COL10A1: variants seen among roughly 807,000 people sequenced by gnomAD.
COL10A1 encodes collagen alpha-1(X) chain.
In COL10A1, 10 loss-of-function variants were observed where a neutral mutation model predicts 18.2. The observed-to-expected ratio is 0.55, with a 90% confidence interval of 0.34 to 0.93. The LOEUF (loss-of-function observed/expected upper bound fraction) is 0.93. Ranked by LOEUF, COL10A1 falls within the 40% of genes least tolerant of loss-of-function variation. The probability of loss-of-function intolerance (pLI) is 0.02; values close to 1 mark genes in which losing one functional copy is unlikely to be tolerated. For missense variants in COL10A1, 897 were observed against 853.5 expected, an observed-to-expected ratio of 1.05 and a Z score of -0.64; for synonymous variants, 330 against 316.6, an observed-to-expected ratio of 1.04 and a Z score of -0.45.
At chr6:116,177,762 G>C in the COL10A1 span, among the ~76,000 whole-genome samples, 7 of 151,998 alleles carry the variant, frequency 4.6e-5, no homozygotes, top group African/African-American at 1.7e-4. Flanking sequence ...AATGTTTTCT[G>C]ACATTCTAAA....
rs192864147 is a variant in COL10A1, at chr6:116,122,903, A to C, written c.155-942T>G. 7.0e-3 allele frequency among the ~76,000 whole-genome samples: 1,069 copies of C among 152,330 alleles called. 7 individuals carry two copies. The highest frequency in any genetic ancestry group is 0.012 in the Non-Finnish European group (845 of 68,020). On this transcript the variant is annotated intron_variant, in intron 2 of 2. Transcript: ENST00000651968. The stretch of plus-strand genomic sequence containing the variant: ...TAGAGCTTTCCCCATGGATTTTCAG[A>C]AAATGACATCAGGAAAAAGACTGTG...
intron 1 of COL10A1, among the ~76,000 whole-genome samples, chr6:116,147,861 A>G (rs1779937481): frequency 6.6e-6 from 1 of 152,088 alleles, no homozygotes; most frequent in Admixed American, 6.6e-5. Context: ...AACTAGCTAC[A>G]TTAGCAGTCA....
chr6:116,168,387 A>G, the COL10A1 span, among the ~76,000 whole-genome samples: 28,873 of 151,796 alleles, frequency 0.19, 3,367 homozygotes, highest in Middle Eastern at 0.33. Flanking sequence ...AAACCTATCC[A>G]TTGAGCTTTT....
chr6:116,149,217 T>C (rs896286828), intron 1 of COL10A1, among the ~76,000 whole-genome samples: 3 of 152,228 alleles, frequency 2.0e-5, no homozygotes, highest in African/African-American at 7.2e-5. Context: ...TATTAGCTGT[T>C]TGACACAATT....
chr6:116,210,695 AAAT>A, the COL10A1 span, among the ~76,000 whole-genome samples: 80 of 152,166 alleles, frequency 5.3e-4, no homozygotes, highest in Middle Eastern at 3.4e-3. Flanking sequence ...TAATTATTAT[AAAT>A]AATCTATTTT....
At chr6:116,193,755 A>T in the COL10A1 span, among the ~76,000 whole-genome samples, 1 of 115,846 alleles carries the variant, frequency 8.6e-6, no homozygotes, top group Non-Finnish European at 1.8e-5. Context: ...TTAAACATAT[A>T]ATTATACTGT....
At chr6:116,204,657 A>G in the COL10A1 span, among the ~76,000 whole-genome samples, 2 of 152,002 alleles carry the variant, frequency 1.3e-5, no homozygotes, top group Admixed American at 1.3e-4. Flanking sequence ...ATGGACTCAG[A>G]TACAATGTTG....
chr6:116,184,936 T>C, the COL10A1 span, among the ~76,000 whole-genome samples: 1 of 152,106 alleles, frequency 6.6e-6, no homozygotes, highest in Non-Finnish European at 1.5e-5. Context: ...TGGTTTGTTC[T>C]TATTTCTCTA....
rs1779025666 is a variant in COL10A1 at position 116,118,999 on chromosome 6, T to C, written c.*1074A>G. ...AGAATGGTTGAGAACAGCAAATTGC[T>C]GCTTTCAAATTAATTCAGCCTAAAA... On this transcript the variant is annotated 3_prime_UTR_variant, in exon 3 of 3. Transcript: ENST00000651968. 1.3e-5 allele frequency: 2 copies of C among 152,598 alleles called. No individual in the cohort carries two copies. The highest frequency in any genetic ancestry group is 6.5e-5 in the Admixed American group (1 of 15,278). 9.5% of individuals were successfully genotyped at this position (152,598 alleles called of 1,614,324 possible). A position where few individuals can be genotyped will look rare whatever the true frequency, so the allele number is the denominator to read the frequency against.
In COL10A1 at chr6:116,120,821, A is replaced by G. The variant is rs1431561256; in HGVS notation, c.1295T>C (p.Met432Thr). The change falls in exon 3 of 3, where the codon ATG becomes ACG. Residue 432 changes from methionine (M) to threonine (T), a missense_variant. Physicochemically the swap from Met to Thr is moderately conservative, Grantham distance 81 (BLOSUM62 -1). Coordinates refer to ENST00000651968, the MANE Select transcript of COL10A1 (RefSeq NM_000493.4). ...GCCAGCCTCTCCATTGTGTCCGGGCATTCCCTTTGCTCCTGCTGGGCCCAC... is the reference window on the plus strand; with the variant it reads ...GCCAGCCTCTCCATTGTGTCCGGGCGTTCCCTTTGCTCCTGCTGGGCCCAC... The part of the protein sequence containing the change: ...GPVGPAGAKG[M>T]PGHNGEAGPR... 1 of 1,613,872 alleles carries G rather than the reference A, an allele frequency of 6.2e-7. No individual in the cohort carries two copies. The highest frequency in any genetic ancestry group is 8.5e-7 in the Non-Finnish European group (1 of 1,179,940).
At chr6:116,167,093 G>T in the COL10A1 span, among the ~76,000 whole-genome samples, 867 of 151,744 alleles carry the variant, frequency 5.7e-3, 17 homozygotes, top group South Asian at 0.046. Flanking sequence ...TGTGATATCC[G>T]TAGAATTATC....
intron 1 of COL10A1, among the ~76,000 whole-genome samples, chr6:116,156,898 G>C (rs1780208326): frequency 6.6e-6 from 1 of 152,110 alleles, no homozygotes; most frequent in African/African-American, 2.4e-5. Flanking sequence ...GTTCTCCTCA[G>C]GAGCCCAGCT....
chr6:116,123,203 G>A (rs1484834101), intron 2 of COL10A1, among the ~76,000 whole-genome samples: 1 of 152,112 alleles, frequency 6.6e-6, no homozygotes, highest in Non-Finnish European at 1.5e-5. Flanking sequence ...TATTAAAAAG[G>A]AGAAACAAGT....
intron 1 of COL10A1, among the ~76,000 whole-genome samples, chr6:116,137,804 G>A (rs984904716): frequency 6.6e-5 from 10 of 152,236 alleles, no homozygotes; most frequent in East Asian, 1.9e-4. Context: ...CAGCTTGGCC[G>A]GACGCACTGG....
the COL10A1 span, among the ~76,000 whole-genome samples, chr6:116,178,697 A>G: frequency 0.016 from 2,366 of 152,350 alleles, 26 homozygotes; most frequent in Non-Finnish European, 0.024. Flanking sequence ...TTGTACTTCC[A>G]GAAATATAGA....
the COL10A1 span, among the ~76,000 whole-genome samples, chr6:116,193,595 C>A: frequency 7.2e-5 from 11 of 152,028 alleles, no homozygotes; most frequent in Admixed American, 7.2e-4. Flanking sequence ...CACTAATATA[C>A]ACAGAATATG....
intron 1 of COL10A1, among the ~76,000 whole-genome samples, chr6:116,154,434 T>G (rs570543210): frequency 6.6e-6 from 1 of 152,242 alleles, no homozygotes; most frequent in East Asian, 1.9e-4. Flanking sequence ...GACAACAGAT[T>G]CACCCAAACA....
chr6:116,121,756 T>C lies in COL10A1; in HGVS notation c.360A>G (p.Arg120=). The part of the protein sequence containing the change: ...VPGLPGKPGE[R]GPYGPKGDVG... ...CATCTCCTTTTGGTCCATATGGTCCTCTCTCTCCTGGTTTTCCTGGGAGTC... is the reference window on the plus strand; with the variant it reads ...CATCTCCTTTTGGTCCATATGGTCCCCTCTCTCCTGGTTTTCCTGGGAGTC... The change falls in exon 3 of 3, where the codon AGA becomes AGG. Residue 120 remains arginine (R), a synonymous_variant. Transcript: ENST00000651968. 6.2e-7 allele frequency: 1 copy of C among 1,613,804 alleles called. No individual in the cohort carries two copies. The highest frequency in any genetic ancestry group is 8.5e-7 in the Non-Finnish European group (1 of 1,179,948).
Position 116,120,054 on chromosome 6 carries a change from A to C in COL10A1, c.*19T>G. ...GAATGCTTTTTCTAGCACAAGATTT[A>C]GATTAGCTCTGTGTGTACTCACATT... On this transcript the variant is annotated 3_prime_UTR_variant, in exon 3 of 3. Transcript: ENST00000651968. 6.7e-7 allele frequency: 1 copy of C among 1,482,178 alleles called. No homozygotes were observed. The highest frequency in any genetic ancestry group is 8.9e-7 in the Non-Finnish European group (1 of 1,121,682). 91.8% of individuals were successfully genotyped at this position (1,482,178 alleles called of 1,614,324 possible). A position where few individuals can be genotyped will look rare whatever the true frequency, so the allele number is the denominator to read the frequency against.
Sources: allele counts gnomAD v4.1 joint callset (sites outside exome capture counted in the v4.1 genomes callset), GRCh38; gene constraint gnomAD v4.1.1; transcripts MANE v1.5; gene names NCBI Gene and HGNC (gene_info 2026-07-23, HGNC 2026-07-21).